Variants in AQR observed in about 807,000 individuals in gnomAD.
The protein encoded by AQR is aquarius intron-binding spliceosomal factor, also known as RNA helicase aquarius.
A neutral mutation model predicts 180.5 loss-of-function variants in AQR; 61 were observed. The ratio of observed to expected loss-of-function variants is 0.34; its 90% CI spans 0.28 to 0.42. The LOEUF (loss-of-function observed/expected upper bound fraction) is 0.42. AQR is among the 10% of genes least tolerant of loss of function. The pLI is 1.00. For synonymous variants in AQR, 551 were observed against 588.8 expected, an observed-to-expected ratio of 0.94 and a Z score of 0.93; for missense variants, 1,281 against 1,798.3, an observed-to-expected ratio of 0.71 and a Z score of 5.20.
intron 5 of AQR, among the ~76,000 whole-genome samples, chr15:34,945,025 T>C (rs952698627): frequency 3.2e-4 from 49 of 152,214 alleles, no homozygotes; most frequent in African/African-American, 1.2e-3. Flanking sequence ...CTATGGACCC[T>C]TATTAACTCT....
At chr15:34,953,321 A>G (rs1266995366) in intron 3 of AQR, among the ~76,000 whole-genome samples, 1 of 152,222 alleles carries the variant, frequency 6.6e-6, no homozygotes, top group East Asian at 1.9e-4. Context: ...TGAATAAACA[A>G]TGATATAGTC....
chr15:34,966,391 C>A (rs1454825745), intron 1 of AQR, among the ~76,000 whole-genome samples: 26 of 152,200 alleles, frequency 1.7e-4, no homozygotes, highest in Admixed American at 1.7e-3. Context: ...AATTCCCCCA[C>A]TTTCCTCTCT....
chr15:34,932,359 T>C lies in AQR; in HGVS notation c.859A>G (p.Asn287Asp), dbSNP rs1437690101. 4 of 1,613,780 alleles carry C rather than the reference T, an allele frequency of 2.5e-6. No homozygotes were observed. Among genetic ancestry groups the C allele is most frequent in the Admixed American group, 1.7e-5 (1 of 59,952 alleles). Residue 287 changes from asparagine (N) to aspartate (D), a missense_variant, in exon 11 of 35, where the codon AAT (asparagine) becomes GAT (aspartate). This residue lies in a region of AQR where 404 missense variants were observed against 490.9 expected (regional missense o/e 0.82). Transcript: ENST00000156471. ...CCATCCTCTTCTCTACGAACAAGAT[T>C]GGAAAGGTAACAGTGAACCAGAAGG... The part of the protein sequence containing the change: ...SHLLVHCYLS[N>D]LVRREEDGHL...
At chr15:34,954,664 A>G (rs1894280547) in intron 3 of AQR, among the ~76,000 whole-genome samples, 1 of 152,166 alleles carries the variant, frequency 6.6e-6, no homozygotes, top group Admixed American at 6.5e-5. Context: ...AAAACATTCA[A>G]TTCCTCTTCT....
At chr15:34,900,122 G>GC (rs1354910960) in intron 20 of AQR, among the ~76,000 whole-genome samples, 1 of 152,072 alleles carries the variant, frequency 6.6e-6, no homozygotes, top group Non-Finnish European at 1.5e-5. Context: ...TGAATTCGTG[G>GC]CCTCAAGCAG....
At position 34,872,259 on chromosome 15, in the gene AQR, C is replaced by T. The variant is rs1892829890; in HGVS notation, c.3598-1337G>A. On this transcript the variant is annotated intron_variant, in intron 30 of 34. Coordinates refer to ENST00000156471, the MANE Select transcript of AQR (RefSeq NM_014691.3). ...ATTCATTTATCCACCTAGTCTTTCC[C>T]TCTCGACACTAATTCTTCAAATGTT... 2.0e-5 allele frequency among the ~76,000 whole-genome samples: 3 copies of T among 152,240 alleles called. No homozygotes were observed. In the South Asian group the frequency reaches 6.2e-4, roughly 32 times the overall value.
chr15:34,882,159 T>G (rs1892980731), intron 27 of AQR, among the ~76,000 whole-genome samples: 1 of 152,090 alleles, frequency 6.6e-6, no homozygotes, highest in South Asian at 2.1e-4. Context: ...TTGGAGATAT[T>G]TTTATTATTA....
chr15:34,863,219 G>C, intron 32 of AQR, 178 bp from the exon 33 acceptor site: 1 of 555,476 alleles, frequency 1.8e-6, no homozygotes, highest in Non-Finnish European at 3.1e-6. Flanking sequence ...CCAAGTAAAA[G>C]TTAAGGCTTT....
At chr15:34,942,531 C>A (rs542316036) in intron 6 of AQR, among the ~76,000 whole-genome samples, 35 of 152,288 alleles carry the variant, frequency 2.3e-4, no homozygotes, top group African/African-American at 7.5e-4. Flanking sequence ...AAAATGGCAA[C>A]AAGCCCAAGG....
intron 16 of AQR, among the ~76,000 whole-genome samples, chr15:34,914,459 G>A (rs1893549680): frequency 6.6e-6 from 1 of 152,134 alleles, no homozygotes; most frequent in Admixed American, 6.5e-5. Context: ...CAACTCAACT[G>A]GCCCTAAAAG....
chr15:34,956,524 T>A (rs1486949988), intron 3 of AQR, among the ~76,000 whole-genome samples: 2 of 151,886 alleles, frequency 1.3e-5, no homozygotes, highest in African/African-American at 4.8e-5. Flanking sequence ...TGGTGGCACA[T>A]GCTTGTAATC....
chr15:34,944,192 GATGA>G (rs1457632375), intron 6 of AQR, 92 bp downstream of exon 6: 7 of 1,198,312 alleles, frequency 5.8e-6, no homozygotes, highest in Non-Finnish European at 8.0e-6. Context: ...TGCTATTATG[GATGA>G]ATGGAGTTGG....
intron 13 of AQR, among the ~76,000 whole-genome samples, chr15:34,921,356 C>G (rs980998708): frequency 6.6e-6 from 1 of 150,868 alleles, no homozygotes; most frequent in South Asian, 2.1e-4. Flanking sequence ...ATCGCTTAAA[C>G]CCAGGAGGCA....
At chr15:34,896,576 G>A (rs574165639) in intron 22 of AQR, among the ~76,000 whole-genome samples, 10 of 151,474 alleles carry the variant, frequency 6.6e-5, no homozygotes, top group African/African-American at 2.2e-4. Context: ...GGCTGAGTGC[G>A]GTGGCTCACG....
At position 34,933,221 on chromosome 15, in the gene AQR, C is replaced by A. The variant is rs182945549; in HGVS notation, c.784-787G>T. ...TTTTATAGATGAAGTTATTGAGATC[C>A]TCAGAAGTTAGAAGTTAGTTACTGG... On this transcript the variant is annotated intron_variant, in intron 10 of 34. Coordinates refer to ENST00000156471, the MANE Select transcript of AQR (RefSeq NM_014691.3). 3.1e-3 allele frequency among the ~76,000 whole-genome samples: 477 copies of A among 152,040 alleles called. 4 individuals carry two copies. Among genetic ancestry groups the A allele is most frequent in the African/African-American group, 0.011 (452 of 41,358 alleles).
rs575177884 is a variant in AQR, at chr15:34,852,773, A to G, written c.*4019T>C. The G allele has an allele frequency of 6.6e-6, 1 of 152,322 alleles. No homozygotes were observed. Among genetic ancestry groups the G allele is most frequent in the South Asian group, 2.1e-4 (1 of 4,818 alleles). The allele number at this position is 152,322 out of a possible 1,614,324, so 9.4% of individuals were successfully genotyped here. On this transcript the variant is annotated 3_prime_UTR_variant, in exon 35 of 35. Transcript: ENST00000156471. ...AACATATTTCTCAGAGTATTTTTCA[A>G]GAGTAGTATTTTCTGTAATATATGA... is the stretch of plus-strand genomic sequence containing the variant.
In AQR at chr15:34,910,193, A is replaced by C; in HGVS notation, c.1605T>G (p.Val535=). ...PNIGENWPTR[V]RADVTINLNV... ...TGAGATTTATGGTAACATCTGCACG[A>C]ACTCGGGTTGGCCAGTTTTCACCTA... The change falls in exon 17 of 35, where the codon GTT becomes GTG. Residue 535 remains valine (V), a synonymous_variant. Coordinates refer to ENST00000156471, the MANE Select transcript of AQR (RefSeq NM_014691.3). 6.2e-7 allele frequency: 1 copy of C among 1,614,230 alleles called. No homozygotes were observed.
chr15:34,891,719 A>G (rs960692840), intron 23 of AQR, among the ~76,000 whole-genome samples: 9 of 152,138 alleles, frequency 5.9e-5, no homozygotes, highest in Non-Finnish European at 1.0e-4. Flanking sequence ...ATAGGTTTTT[A>G]CAGAACAAAT....
intron 3 of AQR, among the ~76,000 whole-genome samples, chr15:34,960,265 G>A (rs949325913): frequency 6.6e-6 from 1 of 152,118 alleles, no homozygotes; most frequent in Non-Finnish European, 1.5e-5. Context: ...GAAGGCGTGG[G>A]GAATAGAACA....
Sources: gnomAD v4.1 joint callset for allele counts (sites outside exome capture counted in the v4.1 genomes callset) on GRCh38, gnomAD v4.1.1 for gene constraint, gnomAD v4.1.1 regional missense constraint, MANE v1.5 for transcripts, NCBI Gene and HGNC (gene_info 2026-07-23, HGNC 2026-07-21) for gene names.